SLC25A26: variants seen among roughly 807,000 people sequenced by gnomAD.
SLC25A26 encodes solute carrier family 25 member 26.
A neutral mutation model predicts 37.8 loss-of-function variants in SLC25A26; 36 were observed. That is an observed-to-expected ratio of 0.95 (90% confidence interval 0.73 to 1.26). The LOEUF (loss-of-function observed/expected upper bound fraction) is 1.26, where lower values mean the gene tolerates loss of function less well. Ranked by LOEUF, SLC25A26 falls within the 50% of genes most tolerant of loss-of-function variation. The pLI, the probability that SLC25A26 is intolerant of heterozygous loss-of-function variation, is 0.00. For synonymous variants in SLC25A26, 129 were observed against 122.5 expected (o/e 1.05, Z -0.35); for missense variants, 390 against 331.1 (o/e 1.18, Z -1.38).
rs143934465 is a variant in SLC25A26, at chr3:66,169,537, T to A, written c.-354+35553T>A. 7.7e-3 allele frequency among the ~76,000 whole-genome samples: 1,169 copies of A among 152,330 alleles called. 18 individuals carry two copies. Among genetic ancestry groups the A allele is most frequent in the African/African-American group, 0.027 (1,109 of 41,578 alleles). The stretch of plus-strand genomic sequence containing the variant: ...AGCCACCAGCCATTCTTGGTTACCT[T>A]ACCCTGTTTTATTTCGTATGTTGCT... On this transcript the variant is annotated intron_variant, in intron 1 of 10. Transcript: ENST00000676754.
chr3:66,301,199 C>A (rs1008261382), intron 5 of SLC25A26, among the ~76,000 whole-genome samples: 2 of 152,014 alleles, frequency 1.3e-5, no homozygotes, highest in African/African-American at 4.8e-5. Context: ...TGCCAGTTTC[C>A]CTGAATTTAT....
At chr3:66,198,496 A>G (rs984527974) in intron 1 of SLC25A26, among the ~76,000 whole-genome samples, 6 of 151,872 alleles carry the variant, frequency 4.0e-5, no homozygotes, top group Non-Finnish European at 1.5e-5. Context: ...CATGCTGTCC[A>G]TCCTGACCCT....
chr3:66,136,465 T>C (rs1343272811), intron 1 of SLC25A26, among the ~76,000 whole-genome samples: 1 of 152,230 alleles, frequency 6.6e-6, no homozygotes, highest in African/African-American at 2.4e-5. Context: ...ATGTAATAAA[T>C]AGCTTAGCTG....
At chr3:66,180,890 G>C (rs975319921) in intron 1 of SLC25A26, among the ~76,000 whole-genome samples, 2 of 152,150 alleles carry the variant, frequency 1.3e-5, no homozygotes, top group African/African-American at 4.8e-5. Flanking sequence ...GGTTTAATGA[G>C]CTTGCAAGAG....
At chr3:66,145,780 T>G in intron 1 of SLC25A26, among the ~76,000 whole-genome samples, 1 of 152,202 alleles carries the variant, frequency 6.6e-6, no homozygotes, top group Non-Finnish European at 1.5e-5. Flanking sequence ...TGAAAACTAG[T>G]CAAATCCAAA....
chr3:66,307,190 C>T (rs987702409), intron 5 of SLC25A26, among the ~76,000 whole-genome samples: 6 of 152,114 alleles, frequency 3.9e-5, no homozygotes, highest in Non-Finnish European at 5.9e-5. Flanking sequence ...CTTTAATGAT[C>T]GTCATTGTAA....
intron 9 of SLC25A26, chr3:66,371,256 G>GA (rs1417738696): frequency 6.5e-7 from 1 of 1,547,916 alleles, no homozygotes; most frequent in East Asian, 2.5e-5. Flanking sequence ...TCCCTTTGCA[G>GA]AGGGTCGGTC....
chr3:66,256,046 C>G (rs2073288451), intron 3 of SLC25A26, among the ~76,000 whole-genome samples: 1 of 152,168 alleles, frequency 6.6e-6, no homozygotes, highest in African/African-American at 2.4e-5. Flanking sequence ...AATATTTATA[C>G]CAAACCACAG....
chr3:66,219,758 A>C (rs1216394077), upstream of SLC25A26, among the ~76,000 whole-genome samples: 2 of 152,174 alleles, frequency 1.3e-5, no homozygotes, highest in African/African-American at 2.4e-5. Flanking sequence ...AAATAACATT[A>C]CCATCACCTT....
intron 6 of SLC25A26, among the ~76,000 whole-genome samples, chr3:66,349,850 C>A (rs1350101731): frequency 6.6e-6 from 1 of 152,154 alleles, no homozygotes; most frequent in Non-Finnish European, 1.5e-5. Context: ...AGTTGCTCTA[C>A]ATCCATGTCA....
At chr3:66,201,911 G>A (rs945492396) in intron 1 of SLC25A26, among the ~76,000 whole-genome samples, 13 of 152,112 alleles carry the variant, frequency 8.5e-5, no homozygotes, top group East Asian at 5.8e-4. Flanking sequence ...AGTACTTTAC[G>A]CTACATAGGA....
At chr3:66,287,025 G>A (rs552290148) in intron 5 of SLC25A26, among the ~76,000 whole-genome samples, 4 of 152,072 alleles carry the variant, frequency 2.6e-5, no homozygotes, top group South Asian at 2.1e-4. Context: ...GGCTGGGTGC[G>A]GTGGCTCACG....
At chr3:66,143,056 G>A (rs1270624125) in intron 1 of SLC25A26, among the ~76,000 whole-genome samples, 1 of 152,022 alleles carries the variant, frequency 6.6e-6, no homozygotes, top group Non-Finnish European at 1.5e-5. Flanking sequence ...GTGAGCCACT[G>A]TGCCCAGCCT....
At chr3:66,177,113 T>C (rs1018654028) in intron 1 of SLC25A26, among the ~76,000 whole-genome samples, 3 of 152,214 alleles carry the variant, frequency 2.0e-5, no homozygotes, top group Admixed American at 2.0e-4. Flanking sequence ...CCTTTGGCAT[T>C]GGAAGCCTCA....
At chr3:66,334,869 C>T (rs1168302797) in intron 5 of SLC25A26, among the ~76,000 whole-genome samples, 1 of 152,018 alleles carries the variant, frequency 6.6e-6, no homozygotes, top group Non-Finnish European at 1.5e-5. Context: ...TGCAGCAAAG[C>T]TAACTGATAA....
chr3:66,281,441 G>T (rs6787051), intron 5 of SLC25A26, among the ~76,000 whole-genome samples: 9,747 of 152,174 alleles, frequency 0.064, 1,034 homozygotes, highest in African/African-American at 0.22. Flanking sequence ...ATTGGTGATT[G>T]CAAAATAATG....
chr3:66,305,923 C>A (rs896750952), intron 5 of SLC25A26, among the ~76,000 whole-genome samples: 1 of 152,148 alleles, frequency 6.6e-6, no homozygotes, highest in Non-Finnish European at 1.5e-5. Flanking sequence ...TCACCAATAG[C>A]GTAAAAGCAT....
chr3:66,198,587 C>T (rs2071074333), intron 1 of SLC25A26, among the ~76,000 whole-genome samples: 1 of 151,796 alleles, frequency 6.6e-6, no homozygotes, highest in African/African-American at 2.4e-5. Flanking sequence ...ACACCCTCTA[C>T]ATTACTCTCA....
chr3:66,374,756 C>T (rs138565715), intron 9 of SLC25A26, among the ~76,000 whole-genome samples: 8 of 152,252 alleles, frequency 5.3e-5, no homozygotes, highest in Non-Finnish European at 1.2e-4. Context: ...TGGTGTGTGC[C>T]TGTAGTCCCA....
Sources: gnomAD v4.1 joint callset for allele counts (sites outside exome capture counted in the v4.1 genomes callset) on GRCh38, gnomAD v4.1.1 for gene constraint, MANE v1.5 for transcripts, NCBI Gene and HGNC (gene_info 2026-07-23, HGNC 2026-07-21) for gene names.